The following DLGAP5 variants were observed in gnomAD, a reference collection of about 807,000 sequenced individuals.
The protein encoded by DLGAP5 is DLG associated protein 5, also known as disks large-associated protein 5.
A neutral mutation model predicts 99.6 loss-of-function variants in DLGAP5; 90 were observed. That is an observed-to-expected ratio of 0.90 (90% confidence interval 0.76 to 1.08). The LOEUF (loss-of-function observed/expected upper bound fraction) is 1.08. Ranked by LOEUF, DLGAP5 falls within the 50% of genes least tolerant of loss-of-function variation. The probability of loss-of-function intolerance (pLI) is 0.00; values close to 1 mark genes in which losing one functional copy is unlikely to be tolerated. For missense variants in DLGAP5, 1,036 were observed against 983.5 expected, an observed-to-expected ratio of 1.05 and a Z score of -0.71; for synonymous variants, 311 against 321.3, an observed-to-expected ratio of 0.97 and a Z score of 0.34.
chr14:55,169,175 C>CAAA lies in DLGAP5; in HGVS notation c.1548+221_1548+223dup, dbSNP rs34906311. Among the ~76,000 whole-genome samples, 334 of 63,714 alleles carry CAAA rather than the reference C, an allele frequency of 5.2e-3. 11 individuals carry two copies. In the East Asian group the frequency reaches 0.084, roughly 16 times the overall value. The allele number at this position is 63,714 out of a possible 152,430, so 41.8% of individuals were successfully genotyped here. A position where few individuals can be genotyped will look rare whatever the true frequency, so the allele number is the denominator to read the frequency against. On this transcript the variant is annotated intron_variant, in intron 12 of 18. Coordinates refer to ENST00000247191, the MANE Select transcript of DLGAP5 (RefSeq NM_014750.5). Reference sequence around the variant, plus strand: ...TGGGTGACAGAGTGAGACTCCGTCTCAAAAAAAAAAAAAAAAAAAAAATTA... The same window carrying CAAA: ...TGGGTGACAGAGTGAGACTCCGTCTCAAAAAAAAAAAAAAAAAAAAAAAAATTA...
chr14:55,168,673 A>T (rs1422890433), intron 12 of DLGAP5, among the ~76,000 whole-genome samples: 1 of 151,978 alleles, frequency 6.6e-6, no homozygotes, highest in African/African-American at 2.4e-5. Flanking sequence ...CAAATTACAA[A>T]CTCCTCTGGG....
At chr14:55,184,569 G>A (rs774894909) in intron 2 of DLGAP5, among the ~76,000 whole-genome samples, 1 of 152,210 alleles carries the variant, frequency 6.6e-6, no homozygotes, top group South Asian at 2.1e-4. Flanking sequence ...GTGACCAAGA[G>A]AGTATTACAG....
intron 10 of DLGAP5, among the ~76,000 whole-genome samples, chr14:55,173,603 CTATA>C (rs202195474): frequency 0.072 from 10,732 of 148,404 alleles, 976 homozygotes; most frequent in African/African-American, 0.22. Context: ...CTCTCTCTCT[CTATA>C]TATATATATA....
rs765932623 is a variant in DLGAP5, at chr14:55,188,990, C to T, written c.190G>A (p.Asp64Asn). 20 of 1,613,750 alleles carry T rather than the reference C, an allele frequency of 1.2e-5. No individual in the cohort carries two copies. Among genetic ancestry groups the T allele is most frequent in the Non-Finnish European group, 1.6e-5 (19 of 1,179,962 alleles). ...GGAACAAGCCCTTGAGATGTCTCAT[C>T]TAATTCAACAAGAATTCTACCTTCC... is the stretch of plus-strand genomic sequence containing the variant. ...TLEGRILVEL[D>N]ETSQGLVPEK... Residue 64 changes from aspartate to asparagine, a missense_variant, in exon 2 of 19, where the codon GAT becomes AAT. Coordinates refer to ENST00000247191, the MANE Select transcript of DLGAP5 (RefSeq NM_014750.5).
At position 55,153,540 on chromosome 14, in the gene DLGAP5, C is replaced by CA. The variant is rs34557020; in HGVS notation, c.2064-894dup. 6.3e-3 allele frequency among the ~76,000 whole-genome samples: 849 copies of CA among 135,024 alleles called. 12 individuals carry two copies. Among genetic ancestry groups the CA allele is most frequent in the Admixed American group, 0.036 (472 of 13,140 alleles). 88.6% of individuals were successfully genotyped at this position (135,024 alleles called of 152,430 possible). A position where few individuals can be genotyped will look rare whatever the true frequency, so the allele number is the denominator to read the frequency against. ...TCAGCAACAGAGCGACACTCCGTCT[C>CA]AAAAAAAAAAAAAAAATTTATCTCC... On this transcript the variant is annotated intron_variant, in intron 15 of 18. Coordinates refer to ENST00000247191, the MANE Select transcript of DLGAP5 (RefSeq NM_014750.5).
Position 55,175,453 on chromosome 14 carries a change from AT to A in DLGAP5, c.1193del (p.Asn398MetfsTer8). ...CATTTAAATTTTTAGTAGTAGCTTC[AT>A]TTTTATTTAAAACATGTTCTATAAA... is the stretch of plus-strand genomic sequence containing the variant. ...VWHEEHVLNK[N>X]EATTKNLNGL... On this transcript the variant is annotated frameshift_variant, in exon 10 of 19. Coordinates refer to ENST00000247191, the MANE Select transcript of DLGAP5 (RefSeq NM_014750.5). LOFTEE classifies it high-confidence loss of function. 7.5e-7 allele frequency: 1 copy of A among 1,334,312 alleles called. No homozygotes were observed. Among genetic ancestry groups the A allele is most frequent in the Non-Finnish European group, 1.1e-6 (1 of 944,216 alleles). 82.7% of individuals were successfully genotyped at this position (1,334,312 alleles called of 1,614,324 possible).
intron 3 of DLGAP5, among the ~76,000 whole-genome samples, chr14:55,182,900 C>A (rs1236260634): frequency 6.6e-6 from 1 of 152,094 alleles, no homozygotes; most frequent in Admixed American, 6.5e-5. Flanking sequence ...CAATTTCCAT[C>A]CTTCTTTCCA....
In DLGAP5 at chr14:55,169,340, C is replaced by CT. The variant is rs1055620028; in HGVS notation, c.1548+58dup. 2.5e-5 allele frequency: 23 copies of CT among 923,144 alleles called. No individual in the cohort carries two copies. The African/African-American group carries it at 5.6e-4, about 22-fold the overall frequency. The allele number at this position is 923,144 out of a possible 1,614,324, so 57.2% of individuals were successfully genotyped here. On this transcript the variant is annotated intron_variant, in intron 12 of 18. Coordinates refer to ENST00000247191, the MANE Select transcript of DLGAP5 (RefSeq NM_014750.5). ...CTATTACCCCATTTTACTCCTGCTA[C>CT]TTAAAAAAAAAAAAAAAAAAGCCCT...
chr14:55,184,180 C>T (rs1243467545), intron 2 of DLGAP5, among the ~76,000 whole-genome samples: 1 of 151,882 alleles, frequency 6.6e-6, no homozygotes, highest in Admixed American at 6.6e-5. Flanking sequence ...TTTCAATAAG[C>T]CAGGCACAGT....
intron 3 of DLGAP5, 78 bp from the exon 4 acceptor site, chr14:55,182,510 G>A: frequency 1.6e-6 from 2 of 1,255,798 alleles, no homozygotes; most frequent in South Asian, 3.0e-5. Flanking sequence ...ACAAAATAAA[G>A]TTCCCATTTT....
intron 12 of DLGAP5, 76 bp downstream of exon 12, chr14:55,169,323 C>T: frequency 9.5e-7 from 1 of 1,051,660 alleles, no homozygotes; most frequent in South Asian, 2.5e-5. Context: ...TACTATTACC[C>T]CATTTTACTC....
intron 9 of DLGAP5, 92 bp downstream of exon 9, chr14:55,175,802 A>G (rs915192436): frequency 3.5e-6 from 4 of 1,144,622 alleles, no homozygotes; most frequent in African/African-American, 1.6e-5. Context: ...AATAATCCAG[A>G]AAAGTAAAAA....
chr14:55,186,324 C>A (rs1177481532), intron 2 of DLGAP5, among the ~76,000 whole-genome samples: 1 of 152,148 alleles, frequency 6.6e-6, no homozygotes, highest in Non-Finnish European at 1.5e-5. Flanking sequence ...GCCACGATAT[C>A]ATCATCACAC....
Position 55,163,045 on chromosome 14 carries a change from G to T in DLGAP5, c.1579C>A (p.Leu527Met). 6.3e-7 allele frequency: 1 copy of T among 1,598,562 alleles called. No individual in the cohort carries two copies. Residue 527 changes from leucine to methionine, a missense_variant, in exon 13 of 19, where the codon CTG (leucine) becomes ATG (methionine). Physicochemically the swap from Leu to Met is conservative, Grantham distance 15. Transcript: ENST00000247191. ...CACCCAGATTCCTCAAGTTTGATCA[G>T]ATTGTTGAATTTGTGGATTACATCT... ...IEDVIHKFNN[L>M]IKLEESGWQV...
At chr14:55,148,706 A>G (rs1881909290) in intron 18 of DLGAP5, 1 of 686,220 alleles carries the variant, frequency 1.5e-6, no homozygotes, top group Admixed American at 2.6e-5. Flanking sequence ...ACAAACAAGA[A>G]ACACGTAAAC....
intron 13 of DLGAP5, among the ~76,000 whole-genome samples, chr14:55,162,430 T>G (rs572163691): frequency 1.3e-5 from 2 of 152,002 alleles, no homozygotes; most frequent in East Asian, 3.9e-4. Flanking sequence ...CCATCCTGGC[T>G]AACACAGTGA....
rs377000715 is a variant in DLGAP5 at position 55,180,753 on chromosome 14, C to A, written c.606G>T (p.Ser202=). ...KKVVQPVMPT[S]LRMTRSATQA... is the part of the protein sequence containing the mutation. ...GAGTAGCTGATCGAGTCATTCTCAA[C>A]GACGTGGGCATTACAGGCTGCACAA... is the stretch of plus-strand genomic sequence containing the variant. Residue 202 remains serine (S), a synonymous_variant, in exon 6 of 19, where the codon TCG becomes TCT. Coordinates refer to ENST00000247191, the MANE Select transcript of DLGAP5 (RefSeq NM_014750.5). 2 of 1,614,008 alleles carry A rather than the reference C, an allele frequency of 1.2e-6. No homozygotes were observed.
rs759970370 is a variant in DLGAP5, at chr14:55,169,442, G to A, written c.1505C>T (p.Thr502Ile). The stretch of plus-strand genomic sequence containing the variant: ...CCAAAATCCATCCAGATCTGTACAG[G>A]TAGTCTCCTTTATACCTCGTTTATA... ...CEYKRGIKETTCTDLDGFWDM... is the reference protein window; with the variant it reads ...CEYKRGIKETICTDLDGFWDM... The change falls in exon 12 of 19, where the codon ACC becomes ATC. Residue 502 changes from threonine (T) to isoleucine (I), a missense_variant. Transcript: ENST00000247191. 4 of 1,609,638 alleles carry A rather than the reference G, an allele frequency of 2.5e-6. No individual in the cohort carries two copies. Among genetic ancestry groups the A allele is most frequent in the Non-Finnish European group, 3.4e-6 (4 of 1,178,710 alleles).
rs144518684 is a variant in DLGAP5 at position 55,169,514 on chromosome 14, A to G, written c.1433T>C (p.Met478Thr). Residue 478 changes from methionine to threonine, a missense_variant, in exon 12 of 19, where the codon ATG (methionine) becomes ACG (threonine). Transcript: ENST00000247191. ...RTAVGQTRLL[M>T]KERFKQFEGL... ...TTCAAACTGTTTAAACCTTTCCTTC[A>G]TAAGGAGTCTTGTTTGACCAACTGC... The G allele has an allele frequency of 6.2e-7, 1 of 1,609,572 alleles. No homozygotes were observed. Among genetic ancestry groups the G allele is most frequent in the African/African-American group, 1.3e-5 (1 of 74,658 alleles).
Sources: gnomAD v4.1 joint callset for allele counts (sites outside exome capture counted in the v4.1 genomes callset) on GRCh38, gnomAD v4.1.1 for gene constraint, MANE v1.5 for transcripts, NCBI Gene and HGNC (gene_info 2026-07-23, HGNC 2026-07-21) for gene names.